The following KPNA7 variants were observed in gnomAD, a reference collection of about 807,000 sequenced individuals.
The protein encoded by KPNA7 is importin subunit alpha-8.
A neutral mutation model predicts 53.7 loss-of-function variants in KPNA7; 54 were observed. The ratio of observed to expected loss-of-function variants is 1.01; its 90% CI spans 0.81 to 1.26. The LOEUF (loss-of-function observed/expected upper bound fraction) is 1.26, where lower values mean the gene tolerates loss of function less well. Ranked by LOEUF, KPNA7 falls within the 50% of genes most tolerant of loss-of-function variation. KPNA7 has a pLI of 0.00. For missense variants in KPNA7, 640 were observed against 644.5 expected (o/e 0.99, Z 0.07); for synonymous variants, 276 against 259.3 (o/e 1.06, Z -0.62).
intron 2 of KPNA7, among the ~76,000 whole-genome samples, chr7:99,203,772 A>G (rs1790665549): frequency 6.6e-6 from 1 of 152,060 alleles, no homozygotes; most frequent in South Asian, 2.1e-4. Flanking sequence ...GGGCAGTGGC[A>G]TGATCTCAGC....
At chr7:99,205,021 T>A (rs1790726463) in intron 2 of KPNA7, among the ~76,000 whole-genome samples, 1 of 152,130 alleles carries the variant, frequency 6.6e-6, no homozygotes, top group East Asian at 1.9e-4. Flanking sequence ...GGCAGGCCCT[T>A]CCTGTTGCTG....
intron 3 of KPNA7, among the ~76,000 whole-genome samples, chr7:99,201,229 G>A (rs1403336174): frequency 6.6e-6 from 1 of 152,142 alleles, no homozygotes; most frequent in African/African-American, 2.4e-5. Flanking sequence ...TGAATGACTG[G>A]AGTTTCTATT....
At chr7:99,168,568 T>C in the KPNA7 span, among the ~76,000 whole-genome samples, 1 of 152,140 alleles carries the variant, frequency 6.6e-6, no homozygotes, top group Non-Finnish European at 1.5e-5. Context: ...TGGGGTGTGG[T>C]GGCAGGATCA....
intron 1 of KPNA7, among the ~76,000 whole-genome samples, chr7:99,215,189 T>C (rs1426004068): frequency 6.6e-6 from 1 of 151,500 alleles, no homozygotes; most frequent in Non-Finnish European, 1.5e-5. Flanking sequence ...TTGGTCAACA[T>C]GGTGAAACCC....
the KPNA7 span, among the ~76,000 whole-genome samples, chr7:99,146,962 A>G: frequency 6.6e-6 from 1 of 152,190 alleles, no homozygotes; most frequent in Non-Finnish European, 1.5e-5. Flanking sequence ...CTTTCCTACC[A>G]TAACATCAAA....
At chr7:99,192,249 T>C (rs530532747) in intron 6 of KPNA7, among the ~76,000 whole-genome samples, 8 of 152,176 alleles carry the variant, frequency 5.3e-5, no homozygotes, top group Non-Finnish European at 8.8e-5. Flanking sequence ...CAGGCATATA[T>C]GCTAAACTGT....
At chr7:99,184,349 G>T (rs73147652) in intron 8 of KPNA7, among the ~76,000 whole-genome samples, 8,312 of 152,000 alleles carry the variant, frequency 0.055, 306 homozygotes, top group African/African-American at 0.091. Context: ...TTTTTGTAGA[G>T]AAAGAGTTTC....
intron 3 of KPNA7, among the ~76,000 whole-genome samples, chr7:99,199,711 CACAA>C (rs1790413678): frequency 6.6e-6 from 1 of 152,076 alleles, no homozygotes; most frequent in Admixed American, 6.6e-5. Flanking sequence ...ATACCTAAAA[CACAA>C]ACAACCAAGA....
intron 3 of KPNA7, among the ~76,000 whole-genome samples, chr7:99,199,959 T>C (rs1790427493): frequency 6.6e-6 from 1 of 152,166 alleles, no homozygotes; most frequent in Non-Finnish European, 1.5e-5. Flanking sequence ...CTCGCTCTCT[T>C]ACTCAGGCTG....
the KPNA7 span, among the ~76,000 whole-genome samples, chr7:99,148,749 A>C: frequency 6.6e-6 from 1 of 151,924 alleles, no homozygotes; most frequent in Non-Finnish European, 1.5e-5. Flanking sequence ...GTGCCACCAA[A>C]CATACCTGGC....
the KPNA7 span, among the ~76,000 whole-genome samples, chr7:99,148,935 GC>G: frequency 7.7e-6 from 1 of 129,948 alleles, no homozygotes. Flanking sequence ...TTGCAGTGTC[GC>G]CCAGGCTGGA....
chr7:99,156,432 C>T, the KPNA7 span, among the ~76,000 whole-genome samples: 2 of 151,970 alleles, frequency 1.3e-5, no homozygotes, highest in Non-Finnish European at 2.9e-5. Flanking sequence ...GAAATTTCAC[C>T]GCATTGAATC....
chr7:99,154,699 T>C, the KPNA7 span, among the ~76,000 whole-genome samples: 160 of 151,904 alleles, frequency 1.1e-3, no homozygotes, highest in Non-Finnish European at 2.5e-4. Context: ...ATTTTTTTTT[T>C]CGTATTTTTA....
At chr7:99,173,382 G>A (rs1239833099), downstream of KPNA7, among the ~76,000 whole-genome samples, 2 of 151,986 alleles carry the variant, frequency 1.3e-5, no homozygotes, top group African/African-American at 2.4e-5. Flanking sequence ...TAATAGAGAC[G>A]GAGTTTCACT....
intron 6 of KPNA7, among the ~76,000 whole-genome samples, chr7:99,192,085 G>T (rs1002396631): frequency 3.3e-5 from 5 of 152,132 alleles, no homozygotes; most frequent in African/African-American, 1.2e-4. Flanking sequence ...CTCAAAAGAA[G>T]AGCCTGTTCC....
chr7:99,167,546 G>A, the KPNA7 span, among the ~76,000 whole-genome samples: 11 of 148,640 alleles, frequency 7.4e-5, no homozygotes, highest in African/African-American at 1.2e-4. Context: ...TCCACCTCCC[G>A]GGTTCAAGCA....
At chr7:99,176,975 C>A (rs1798929205) in intron 10 of KPNA7, among the ~76,000 whole-genome samples, 1 of 152,190 alleles carries the variant, frequency 6.6e-6, no homozygotes, top group Admixed American at 6.5e-5. Context: ...GTAGAAGAAA[C>A]TCACATGTCG....
At chr7:99,146,712 A>AG in the KPNA7 span, among the ~76,000 whole-genome samples, 1 of 736 alleles carries the variant, frequency 1.4e-3, no homozygotes, top group African/African-American at 2.0e-3. Context: ...ACTGTGTCTT[A>AG]AAAAAAAAAA....
At chr7:99,196,304 G>C (rs973795695) in intron 3 of KPNA7, 138 bp from the exon 4 acceptor site, 1 of 634,880 alleles carries the variant, frequency 1.6e-6, no homozygotes, top group Non-Finnish European at 2.8e-6. Flanking sequence ...TCTATATTTG[G>C]GGAGGGGAGA....
Sources: allele counts gnomAD v4.1 joint callset (sites outside exome capture counted in the v4.1 genomes callset), GRCh38; gene constraint gnomAD v4.1.1; transcripts MANE v1.5; gene names NCBI Gene and HGNC (gene_info 2026-07-23, HGNC 2026-07-21).